The following RASA3 variants were observed in gnomAD, a reference collection of about 807,000 sequenced individuals.
RASA3 encodes ras GTPase-activating protein 3.
In RASA3, 73 loss-of-function variants were observed where a neutral mutation model predicts 110.0. The ratio of observed to expected loss-of-function variants is 0.66; its 90% CI spans 0.55 to 0.81. The LOEUF (loss-of-function observed/expected upper bound fraction) is 0.81. Ranked by LOEUF, RASA3 falls within the 30% of genes least tolerant of loss-of-function variation. The probability of loss-of-function intolerance (pLI) is 0.00; values close to 1 mark genes in which losing one functional copy is unlikely to be tolerated. For missense variants in RASA3, 976 were observed against 1,113.2 expected (o/e 0.88, Z 1.75); for synonymous variants, 500 against 451.4 (o/e 1.11, Z -1.37).
At chr13:114,023,243 CGGGGACATCCCAGGCTCG>C (rs1402961354) in intron 8 of RASA3, among the ~76,000 whole-genome samples, 19 of 116,502 alleles carry the variant, frequency 1.6e-4, no homozygotes, top group African/African-American at 5.1e-4. Context: ...ATCCCAGGCT[CGGGGACATCCCAGGCTCG>C]GGGAACATCC....
chr13:114,087,421 A>G (rs1330945387), intron 1 of RASA3, among the ~76,000 whole-genome samples: 1 of 152,256 alleles, frequency 6.6e-6, no homozygotes, highest in African/African-American at 2.4e-5. Context: ...TTATCTGGGC[A>G]TAAAACTCCT....
At chr13:114,122,733 G>C (rs1009831492) in intron 1 of RASA3, among the ~76,000 whole-genome samples, 1 of 151,408 alleles carries the variant, frequency 6.6e-6, no homozygotes, top group African/African-American at 2.5e-5. Flanking sequence ...CTAGGAAGGG[G>C]GTCTCCGGCC....
At chr13:114,028,796 C>T (rs2139377689) in intron 5 of RASA3, among the ~76,000 whole-genome samples, 1 of 95,632 alleles carries the variant, frequency 1.0e-5, no homozygotes, top group Admixed American at 1.1e-4. Context: ...ACCTCTAAAA[C>T]GGCGTCATCC....
chr13:114,039,527 T>C (rs1323865211), intron 4 of RASA3, among the ~76,000 whole-genome samples: 1 of 152,124 alleles, frequency 6.6e-6, no homozygotes. Flanking sequence ...CTTACTGTGG[T>C]CCCAGCTGAG....
chr13:113,995,632 A>T (rs112584475), intron 21 of RASA3, among the ~76,000 whole-genome samples: 1 of 138,340 alleles, frequency 7.2e-6, no homozygotes, highest in African/African-American at 2.7e-5. Flanking sequence ...GGGGCCTGAC[A>T]GGGGGCCCAG....
At position 114,115,173 on chromosome 13, in the gene RASA3, G is replaced by C. The variant is rs2080261081; in HGVS notation, c.55+17262C>G. 6.6e-6 allele frequency among the ~76,000 whole-genome samples: 1 copy of C among 152,220 alleles called. No individual in the cohort carries two copies. Among genetic ancestry groups the C allele is most frequent in the South Asian group, 2.1e-4 (1 of 4,834 alleles). On this transcript the variant is annotated intron_variant, in intron 1 of 23. Coordinates refer to ENST00000334062, the MANE Select transcript of RASA3 (RefSeq NM_007368.4). The surrounding 1 kb of genome is among the most constrained non-coding windows in gnomAD (Gnocchi z 5.0). The stretch of plus-strand genomic sequence containing the variant: ...CGTGTAAAAATACTTGGAACCCATG[G>C]GGGGCTTTGTGTGTGGTGTCATCGG...
intron 20 of RASA3, among the ~76,000 whole-genome samples, chr13:113,998,075 A>G (rs1404013056): frequency 1.3e-5 from 2 of 152,186 alleles, no homozygotes; most frequent in Non-Finnish European, 2.9e-5. Flanking sequence ...TGAGGAAGTC[A>G]GTGGGAATGA....
intron 1 of RASA3, among the ~76,000 whole-genome samples, chr13:114,100,467 G>C (rs1208754350): frequency 6.6e-6 from 1 of 152,254 alleles, no homozygotes; most frequent in Non-Finnish European, 1.5e-5. Flanking sequence ...GGCTCTGTCA[G>C]GCGGAGGACG....
At chr13:113,992,892 A>C (rs2053152340) in intron 21 of RASA3, among the ~76,000 whole-genome samples, 1 of 152,242 alleles carries the variant, frequency 6.6e-6, no homozygotes, top group African/African-American at 2.4e-5. Context: ...CTTGCTGTTT[A>C]GTATTTAAAA....
chr13:113,991,852 G>C (rs996184555), intron 22 of RASA3, among the ~76,000 whole-genome samples: 1 of 152,130 alleles, frequency 6.6e-6, no homozygotes, highest in African/African-American at 2.4e-5. Flanking sequence ...TTCCACACAT[G>C]CACAAATTCA....
chr13:114,026,238 C>G (rs557421582), intron 7 of RASA3, among the ~76,000 whole-genome samples: 39 of 152,344 alleles, frequency 2.6e-4, no homozygotes, highest in African/African-American at 6.7e-4. Context: ...TATGACAGCT[C>G]TGTGTGTGGC....
intron 22 of RASA3, 147 bp from the exon 23 acceptor site, chr13:113,982,005 G>A (rs1005621632): frequency 1.4e-5 from 10 of 699,122 alleles, no homozygotes; most frequent in Non-Finnish European, 2.3e-5. Context: ...ACTCGTAAAC[G>A]CAGACGGAGA....
At chr13:114,042,753 C>G (rs1330624576) in intron 3 of RASA3, among the ~76,000 whole-genome samples, 1 of 152,240 alleles carries the variant, frequency 6.6e-6, no homozygotes, top group Non-Finnish European at 1.5e-5. Flanking sequence ...CAACCCTGGC[C>G]TGGCATCCAG....
At chr13:114,013,977 G>A (rs141555461) in intron 14 of RASA3, among the ~76,000 whole-genome samples, 1 of 60,696 alleles carries the variant, frequency 1.6e-5, no homozygotes, top group Admixed American at 1.7e-4. Context: ...TCTCCGTCTC[G>A]ATCTCTCTCT....
chr13:114,000,768 C>G, intron 19 of RASA3, 58 bp downstream of exon 19: 1 of 1,282,624 alleles, frequency 7.8e-7, no homozygotes, highest in African/African-American at 1.5e-5. Flanking sequence ...AAAGCAGACT[C>G]AGTCCCAGGG....
At chr13:114,117,358 GA>G (rs1465492106) in intron 1 of RASA3, among the ~76,000 whole-genome samples, 1 of 143,720 alleles carries the variant, frequency 7.0e-6, no homozygotes, top group East Asian at 2.2e-4. Context: ...GCACGTGTGT[GA>G]GGGGTGCACG....
intron 17 of RASA3, among the ~76,000 whole-genome samples, 197 bp from the exon 18 acceptor site, chr13:114,007,803 A>G (rs1242611501): frequency 6.6e-6 from 1 of 152,224 alleles, no homozygotes. Flanking sequence ...GCACTGCCAC[A>G]GAGATCTCAG....
At chr13:114,003,607 A>G (rs2053451323) in intron 18 of RASA3, among the ~76,000 whole-genome samples, 1 of 152,222 alleles carries the variant, frequency 6.6e-6, no homozygotes, top group Non-Finnish European at 1.5e-5. Context: ...CTCTTTGTTA[A>G]GCTCTATCCT....
At chr13:114,038,055 A>C (rs939633899) in intron 4 of RASA3, among the ~76,000 whole-genome samples, 1 of 151,608 alleles carries the variant, frequency 6.6e-6, no homozygotes, top group African/African-American at 2.4e-5. Flanking sequence ...ATAGATCTAT[A>C]ACCATTTCAA....
Sources: allele counts gnomAD v4.1 joint callset (sites outside exome capture counted in the v4.1 genomes callset), GRCh38; gene constraint gnomAD v4.1.1; non-coding constraint Gnocchi (gnomAD v3.1); transcripts MANE v1.5; gene names NCBI Gene and HGNC (gene_info 2026-07-23, HGNC 2026-07-21).